PDE4B: variants seen among roughly 807,000 people sequenced by gnomAD.
PDE4B encodes phosphodiesterase 4B.
A neutral mutation model predicts 82.2 loss-of-function variants in PDE4B; 20 were observed. That is an observed-to-expected ratio of 0.24 (90% confidence interval 0.17 to 0.35). The LOEUF (loss-of-function observed/expected upper bound fraction) is 0.35. Among genes scored for constraint, PDE4B ranks in the 10% least tolerant of loss-of-function variants. The pLI, the probability that PDE4B is intolerant of heterozygous loss-of-function variation, is 1.00. For missense variants in PDE4B, 655 were observed against 907.2 expected (o/e 0.72, Z 3.57); for synonymous variants, 320 against 318.9 (o/e 1.00, Z -0.04).
chr1:65,848,099 AT>A (rs1352589419), intron 1 of PDE4B, among the ~76,000 whole-genome samples: 1 of 151,672 alleles, frequency 6.6e-6, no homozygotes, highest in African/African-American at 2.4e-5. Flanking sequence ...ATGAGGTATA[AT>A]TTTTAAACAA....
chr1:66,185,470 G>A (rs576464001), intron 3 of PDE4B, among the ~76,000 whole-genome samples: 2 of 152,098 alleles, frequency 1.3e-5, no homozygotes, highest in South Asian at 2.1e-4. Flanking sequence ...GTGTAAAAGT[G>A]TTCCTATTTC....
intron 7 of PDE4B, among the ~76,000 whole-genome samples, chr1:66,289,204 G>A (rs1656894335): frequency 6.6e-6 from 1 of 152,128 alleles, no homozygotes; most frequent in African/African-American, 2.4e-5. Context: ...GTAGTTAGAG[G>A]CTACAATGAG....
At chr1:66,333,733 C>G (rs1660298211) in intron 8 of PDE4B, among the ~76,000 whole-genome samples, 1 of 152,138 alleles carries the variant, frequency 6.6e-6, no homozygotes, top group Non-Finnish European at 1.5e-5. Flanking sequence ...CTCAGAGGAT[C>G]TGCGCAGAGG....
At chr1:66,327,338 A>G (rs1355587640) in intron 7 of PDE4B, among the ~76,000 whole-genome samples, 1 of 152,242 alleles carries the variant, frequency 6.6e-6, no homozygotes, top group Non-Finnish European at 1.5e-5. Context: ...ATGTGATCCT[A>G]TTTATGTTAT....
chr1:65,952,500 C>T (rs970333636), intron 3 of PDE4B, among the ~76,000 whole-genome samples: 2 of 151,786 alleles, frequency 1.3e-5, no homozygotes, highest in Non-Finnish European at 2.9e-5. Flanking sequence ...GGTCAACATG[C>T]TGAATCCCCA....
chr1:66,084,634 G>C lies in PDE4B; in HGVS notation c.282-162826G>C, dbSNP rs72920253. 8.7e-3 allele frequency among the ~76,000 whole-genome samples: 1,330 copies of C among 152,262 alleles called. 20 individuals are homozygous for C. Among genetic ancestry groups the C allele is most frequent in the African/African-American group, 0.03 (1,246 of 41,560 alleles). On this transcript the variant is annotated intron_variant, in intron 3 of 16. Transcript: ENST00000341517. Reference sequence around the variant, plus strand: ...TGAGGGATCAACCCTCAAAGTAGGTGCTGTTCCAAATCAATGCTCTAGGGG... The same window carrying C: ...TGAGGGATCAACCCTCAAAGTAGGTCCTGTTCCAAATCAATGCTCTAGGGG...
chr1:66,002,615 T>C (rs943031734), intron 3 of PDE4B, among the ~76,000 whole-genome samples: 2 of 152,028 alleles, frequency 1.3e-5, no homozygotes, highest in Non-Finnish European at 2.9e-5. Flanking sequence ...AATGCCTTAA[T>C]GTAGTATACT....
intron 7 of PDE4B, among the ~76,000 whole-genome samples, chr1:66,292,943 G>T (rs1176903337): frequency 6.6e-6 from 1 of 152,154 alleles, no homozygotes; most frequent in African/African-American, 2.4e-5. Flanking sequence ...AAGGGCCAGA[G>T]CTCCCTGGAA....
chr1:66,051,367 A>G (rs12040042), intron 3 of PDE4B, among the ~76,000 whole-genome samples: 10,164 of 152,166 alleles, frequency 0.067, 616 homozygotes, highest in East Asian at 0.26. Flanking sequence ...CCTCATGATT[A>G]TTGGGTCAGT....
At chr1:65,798,082 A>G (rs1032509393) in intron 1 of PDE4B, among the ~76,000 whole-genome samples, 1 of 151,966 alleles carries the variant, frequency 6.6e-6, no homozygotes, top group Admixed American at 6.6e-5. Context: ...GCAGTGGTGC[A>G]TCTCGGCTCA....
intron 3 of PDE4B, among the ~76,000 whole-genome samples, chr1:66,082,641 A>AATATATATATATATATATATATAT (rs67481716): frequency 6.8e-6 from 1 of 147,836 alleles, no homozygotes; most frequent in African/African-American, 2.5e-5. Flanking sequence ...GGATTGAAAT[A>AATATATATATATATATATATATAT]ATATATATAT....
chr1:66,090,624 T>TGTGTGTGTGTGTGTGTGTGTGTGA (rs1644997564), intron 3 of PDE4B, among the ~76,000 whole-genome samples: 1 of 107,574 alleles, frequency 9.3e-6, no homozygotes, highest in Non-Finnish European at 1.7e-5. Flanking sequence ...ATAATATATG[T>TGTGTGTGTGTGTGTGTGTGTGTGA]GTGTGTGTGT....
intron 3 of PDE4B, among the ~76,000 whole-genome samples, chr1:66,149,316 T>C (rs1235956924): frequency 6.6e-6 from 1 of 152,196 alleles, no homozygotes; most frequent in Non-Finnish European, 1.5e-5. Flanking sequence ...TATTATATTT[T>C]TAAACTATTG....
At chr1:66,118,487 C>T (rs938496178) in intron 3 of PDE4B, among the ~76,000 whole-genome samples, 13 of 152,008 alleles carry the variant, frequency 8.6e-5, no homozygotes, top group South Asian at 8.3e-4. Context: ...AACCAAACAC[C>T]GCATGTTCTC....
chr1:66,041,655 C>A (rs562702894), intron 3 of PDE4B, among the ~76,000 whole-genome samples: 4 of 152,014 alleles, frequency 2.6e-5, no homozygotes, highest in South Asian at 4.2e-4. Context: ...TCAAAGATAG[C>A]TGTCTCTGCT....
intron 3 of PDE4B, among the ~76,000 whole-genome samples, chr1:66,200,974 C>A (rs368536056): frequency 2.0e-5 from 3 of 152,064 alleles, no homozygotes; most frequent in African/African-American, 7.3e-5. Context: ...ATGATATTGG[C>A]TGTGGGTTTG....
intron 3 of PDE4B, among the ~76,000 whole-genome samples, chr1:66,238,490 T>C (rs61089481): frequency 0.21 from 31,317 of 151,970 alleles, 6,663 homozygotes; most frequent in African/African-American, 0.53. Flanking sequence ...AGGGTGGAGT[T>C]GGGCACAGTG....
At chr1:66,295,356 A>G (rs904854513) in intron 7 of PDE4B, among the ~76,000 whole-genome samples, 1 of 152,202 alleles carries the variant, frequency 6.6e-6, no homozygotes, top group Non-Finnish European at 1.5e-5. Flanking sequence ...GTTTTGTGAA[A>G]TAATACTTAC....
At chr1:66,044,018 CA>C (rs1654542626) in intron 3 of PDE4B, among the ~76,000 whole-genome samples, 2 of 150,946 alleles carry the variant, frequency 1.3e-5, no homozygotes, top group Non-Finnish European at 3.0e-5. Context: ...GAAGGTCTGT[CA>C]AGTATTATAC....
Sources: allele counts gnomAD v4.1 joint callset (sites outside exome capture counted in the v4.1 genomes callset), GRCh38; gene constraint gnomAD v4.1.1; transcripts MANE v1.5; gene names NCBI Gene and HGNC (gene_info 2026-07-23, HGNC 2026-07-21).